Variants in EFCAB5 observed in about 807,000 individuals in gnomAD.
The protein encoded by EFCAB5 is EF-hand calcium-binding domain-containing protein 5.
EFCAB5 carries 131 observed loss-of-function variants against 167.9 expected under a neutral mutation model. The ratio of observed to expected loss-of-function variants is 0.78; its 90% CI spans 0.68 to 0.90. The LOEUF (loss-of-function observed/expected upper bound fraction) is 0.90, where lower values mean the gene tolerates loss of function less well. Ranked by LOEUF, EFCAB5 falls within the 40% of genes least tolerant of loss-of-function variation. The pLI is 0.00. For missense variants in EFCAB5, 1,663 were observed against 1,745.2 expected, an observed-to-expected ratio of 0.95 and a Z score of 0.84; for synonymous variants, 574 against 602.8, an observed-to-expected ratio of 0.95 and a Z score of 0.70.
chr17:30,023,577 T>C (rs538161728), intron 7 of EFCAB5, among the ~76,000 whole-genome samples: 2 of 152,108 alleles, frequency 1.3e-5, no homozygotes, highest in African/African-American at 4.8e-5. Flanking sequence ...ACCAGATGGA[T>C]TCGCTGCCGA....
chr17:29,986,733 G>A (rs532424397), intron 4 of EFCAB5, among the ~76,000 whole-genome samples: 10 of 126,666 alleles, frequency 7.9e-5, no homozygotes, highest in East Asian at 2.8e-4. Flanking sequence ...TGCAGGCTCC[G>A]CCCCCTGGGG....
chr17:30,005,757 C>A (rs2068761074), intron 7 of EFCAB5, among the ~76,000 whole-genome samples: 1 of 152,092 alleles, frequency 6.6e-6, no homozygotes, highest in African/African-American at 2.4e-5. Context: ...AAATACAGAT[C>A]CTAAAACTGA....
At chr17:29,999,868 CCTAA>C (rs774764288) in intron 6 of EFCAB5, 34 bp from the exon 7 acceptor site, 5 of 1,441,766 alleles carry the variant, frequency 3.5e-6, no homozygotes, top group East Asian at 2.5e-5. Context: ...TATATTACAA[CCTAA>C]CTAACTAGCA....
intron 7 of EFCAB5, among the ~76,000 whole-genome samples, chr17:30,006,215 C>T (rs936350475): frequency 5.9e-5 from 9 of 152,066 alleles, no homozygotes; most frequent in African/African-American, 2.2e-4. Flanking sequence ...TATTTTATAG[C>T]GTTTGGTTTT....
intron 7 of EFCAB5, among the ~76,000 whole-genome samples, chr17:30,032,934 A>G (rs963210575): frequency 4.7e-4 from 71 of 152,170 alleles, no homozygotes; most frequent in Middle Eastern, 3.2e-3. Flanking sequence ...CTAATCCCCA[A>G]TTCCTAGTGG....
At chr17:29,950,670 A>T (rs565425499) in intron 3 of EFCAB5, 1 of 152,082 alleles carries the variant, frequency 6.6e-6, no homozygotes, top group Non-Finnish European at 1.5e-5. Context: ...CACTGCACCT[A>T]GCCTCTTATG....
At position 30,053,752 on chromosome 17, in the gene EFCAB5, A is replaced by G. The variant is rs752938796; in HGVS notation, c.1798A>G (p.Arg600Gly). ...GTCAGTTTCAGAACAAGGATCAAGCAGAGAGTCAGTTGCAGAACAAGGGTC... is the reference window on the plus strand; with the variant it reads ...GTCAGTTTCAGAACAAGGATCAAGCGGAGAGTCAGTTGCAGAACAAGGGTC... ...RVSVSEQGSS[R>G]ESVAEQGSRR... is the part of the protein sequence containing the mutation. The change falls in exon 10 of 23, where the codon AGA (arginine) becomes GGA (glycine). Residue 600 changes from arginine to glycine, a missense_variant. Arg to Gly is a moderately radical substitution (Grantham distance 125). Transcript: ENST00000394835. 12 of 1,613,834 alleles carry G rather than the reference A, an allele frequency of 7.4e-6. No homozygotes were observed. The highest frequency in any genetic ancestry group is 1.0e-5 in the Non-Finnish European group (12 of 1,179,868).
chr17:30,040,629 C>T (rs898971593), intron 8 of EFCAB5, among the ~76,000 whole-genome samples: 13 of 152,152 alleles, frequency 8.5e-5, no homozygotes, highest in African/African-American at 3.1e-4. Context: ...TAAGCCAACA[C>T]ATATTAAGTG....
At chr17:30,081,047 T>A in intron 17 of EFCAB5, 66 bp downstream of exon 17, 1 of 1,293,710 alleles carries the variant, frequency 7.7e-7, no homozygotes. Flanking sequence ...TTTTAAAGAG[T>A]GAAACCTGAA....
chr17:29,943,428 G>A (rs563043251), intron 2 of EFCAB5, 137 bp from the exon 3 acceptor site: 1 of 642,228 alleles, frequency 1.6e-6, no homozygotes, highest in East Asian at 3.4e-5. Context: ...TACAGCATTA[G>A]ATCCCAGAAA....
chr17:30,080,276 C>A, intron 16 of EFCAB5, 35 bp downstream of exon 16: 1 of 1,490,382 alleles, frequency 6.7e-7, no homozygotes, highest in Non-Finnish European at 8.9e-7. Context: ...TTTCACCCTC[C>A]TAAAAAAATA....
At chr17:29,950,750 A>T (rs1490433459) in intron 3 of EFCAB5, 1 of 152,224 alleles carries the variant, frequency 6.6e-6, no homozygotes, top group African/African-American at 2.4e-5. Flanking sequence ...TACACATAGC[A>T]TACAAAATAT....
intron 7 of EFCAB5, among the ~76,000 whole-genome samples, chr17:30,021,394 A>T (rs1316501391): frequency 6.8e-6 from 1 of 147,748 alleles, no homozygotes; most frequent in Non-Finnish European, 1.5e-5. Flanking sequence ...TATATAAAAT[A>T]TGAGCATGTA....
At position 30,080,972 on chromosome 17, in the gene EFCAB5, A is replaced by T. The variant is rs2070977709; in HGVS notation, c.3417A>T (p.Arg1139Ser). The change falls in exon 17 of 23, where the codon AGA (arginine) becomes AGT (serine). Residue 1139 changes from arginine to serine, a missense_variant. Coordinates refer to ENST00000394835, the MANE Select transcript of EFCAB5 (RefSeq NM_198529.4). ...ACATCTTTCTACCTCATGAGATCAG[A>T]TTCTATCAGGTAAGTCATAGAAGTC... is the stretch of plus-strand genomic sequence containing the variant. ...EINIFLPHEIRFYQGVANVFS... is the reference protein window; with the variant it reads ...EINIFLPHEISFYQGVANVFS... The T allele has an allele frequency of 1.2e-6, 2 of 1,612,162 alleles. No individual in the cohort carries two copies. Among genetic ancestry groups the T allele is most frequent in the East Asian group, 2.2e-5 (1 of 44,880 alleles).
At chr17:30,077,836 G>A (rs147167613) in intron 14 of EFCAB5, among the ~76,000 whole-genome samples, 2 of 152,240 alleles carry the variant, frequency 1.3e-5, no homozygotes, top group East Asian at 3.9e-4. Flanking sequence ...AGTGATAAAC[G>A]CTGGCTCTGG....
At chr17:30,049,282 C>T (rs1231983778) in intron 8 of EFCAB5, among the ~76,000 whole-genome samples, 1 of 152,102 alleles carries the variant, frequency 6.6e-6, no homozygotes, top group Non-Finnish European at 1.5e-5. Flanking sequence ...GAGACTGAGA[C>T]TACCCTGGCC....
intron 4 of EFCAB5, among the ~76,000 whole-genome samples, chr17:29,977,743 T>C (rs1465141658): frequency 6.6e-6 from 1 of 152,168 alleles, no homozygotes; most frequent in Non-Finnish European, 1.5e-5. Flanking sequence ...CACAGCTACA[T>C]ACAAGAGAAG....
intron 14 of EFCAB5, among the ~76,000 whole-genome samples, chr17:30,065,941 G>GAACA (rs879424723): frequency 0.088 from 13,386 of 152,174 alleles, 1,305 homozygotes; most frequent in African/African-American, 0.24. Context: ...AGAGCACTCT[G>GAACA]ATATTATAAA....
intron 7 of EFCAB5, among the ~76,000 whole-genome samples, chr17:30,021,284 A>G (rs1288532323): frequency 6.7e-6 from 1 of 149,522 alleles, no homozygotes; most frequent in Non-Finnish European, 1.5e-5. Context: ...TATCACCTTT[A>G]CCCCATTTTC....
Sources: allele counts gnomAD v4.1 joint callset (sites outside exome capture counted in the v4.1 genomes callset), GRCh38; gene constraint gnomAD v4.1.1; transcripts MANE v1.5; gene names NCBI Gene and HGNC (gene_info 2026-07-23, HGNC 2026-07-21).